DGKB: variants seen among roughly 807,000 people sequenced by gnomAD.
The protein encoded by DGKB is 90 kDa diacylglycerol kinase.
A neutral mutation model predicts 114.3 loss-of-function variants in DGKB; 67 were observed. The ratio of observed to expected loss-of-function variants is 0.59; its 90% CI spans 0.48 to 0.72. The LOEUF (loss-of-function observed/expected upper bound fraction) is 0.72, where lower values mean the gene tolerates loss of function less well. DGKB is among the 30% of genes least tolerant of loss of function. DGKB has a pLI of 0.00. For missense variants in DGKB, 907 were observed against 975.2 expected, an observed-to-expected ratio of 0.93 and a Z score of 0.93; for synonymous variants, 398 against 323.1, an observed-to-expected ratio of 1.23 and a Z score of -2.49.
chr7:14,681,614 C>A (rs888990934), intron 12 of DGKB, among the ~76,000 whole-genome samples: 3 of 151,926 alleles, frequency 2.0e-5, no homozygotes, highest in African/African-American at 7.3e-5. Context: ...TCCTGTAACA[C>A]GAATACTCAC....
chr7:14,705,506 A>G (rs1335174673), intron 6 of DGKB, among the ~76,000 whole-genome samples: 1 of 151,478 alleles, frequency 6.6e-6, no homozygotes, highest in African/African-American at 2.4e-5. Context: ...TCCAAGACAC[A>G]TAATTGTCAG....
At chr7:14,518,603 G>T (rs1789232361) in intron 20 of DGKB, among the ~76,000 whole-genome samples, 1 of 151,978 alleles carries the variant, frequency 6.6e-6, no homozygotes, top group Non-Finnish European at 1.5e-5. Flanking sequence ...TAAAAAATAA[G>T]TTTTTGGCTT....
intron 13 of DGKB, among the ~76,000 whole-genome samples, chr7:14,656,938 T>C (rs1815955641): frequency 6.6e-6 from 1 of 151,744 alleles, no homozygotes; most frequent in South Asian, 2.1e-4. Flanking sequence ...TTCTACATAA[T>C]ATAAACTAGT....
rs997424873 is a variant in DGKB at position 14,694,206 on chromosome 7, G to A, written c.592-12C>T. 1.9e-6 allele frequency: 3 copies of A among 1,554,552 alleles called. No homozygotes were observed. Among genetic ancestry groups the A allele is most frequent in the African/African-American group, 1.4e-5 (1 of 73,564 alleles). The stretch of plus-strand genomic sequence containing the variant: ...ATTTCATGGAGGATCTGGAGTAGAG[G>A]AGATAAGGGAAAATTGGTGGTCAAC... On this transcript the variant is annotated splice_polypyrimidine_tract_variant and intron_variant, in intron 8 of 25. Coordinates refer to ENST00000402815, the MANE Select transcript of DGKB (RefSeq NM_001350709.2).
At chr7:14,705,965 A>C (rs1390363833) in intron 6 of DGKB, among the ~76,000 whole-genome samples, 5 of 152,042 alleles carry the variant, frequency 3.3e-5, no homozygotes, top group African/African-American at 7.3e-5. Flanking sequence ...ACACATAACA[A>C]TATTAACTTT....
At chr7:14,341,046 T>G (rs1218612370) in intron 22 of DGKB, among the ~76,000 whole-genome samples, 1 of 151,500 alleles carries the variant, frequency 6.6e-6, no homozygotes, top group East Asian at 1.9e-4. Flanking sequence ...TTGAAAAACA[T>G]GAGTGTATGC....
chr7:14,568,041 T>C (rs1487529238), intron 20 of DGKB, among the ~76,000 whole-genome samples: 1 of 152,200 alleles, frequency 6.6e-6, no homozygotes, highest in Non-Finnish European at 1.5e-5. Flanking sequence ...GAAAGTTTTA[T>C]TCCTGGGATA....
chr7:14,638,660 G>C (rs985236942), intron 13 of DGKB, among the ~76,000 whole-genome samples: 2 of 152,086 alleles, frequency 1.3e-5, no homozygotes, highest in African/African-American at 4.8e-5. Flanking sequence ...ATGAGCATAA[G>C]GGACAGTTTC....
chr7:14,191,812 A>G, intron 23 of DGKB: 3 of 431,996 alleles, frequency 6.9e-6, no homozygotes, highest in Non-Finnish European at 1.4e-5. Context: ...TTCTGCACCA[A>G]ACAGGCTAAA....
intron 17 of DGKB, among the ~76,000 whole-genome samples, chr7:14,583,580 A>T (rs1462413186): frequency 6.6e-6 from 1 of 152,226 alleles, no homozygotes; most frequent in East Asian, 1.9e-4. Context: ...TGTCTTTAAC[A>T]ATGTTCTACT....
chr7:14,177,599 CA>C (rs1285332098), intron 24 of DGKB, among the ~76,000 whole-genome samples: 7 of 126,906 alleles, frequency 5.5e-5, no homozygotes, highest in African/African-American at 1.7e-4. Context: ...AAATTTTGGG[CA>C]AAAAAAATGC....
At chr7:14,592,117 A>G (rs961635239) in intron 17 of DGKB, among the ~76,000 whole-genome samples, 4 of 151,802 alleles carry the variant, frequency 2.6e-5, no homozygotes, top group Admixed American at 6.6e-5. Context: ...TAGTATATAT[A>G]TTATAAATCA....
rs1562683765 is a variant in DGKB at position 14,840,739 on chromosome 7, CA to C, written c.70+454del. On this transcript the variant is annotated intron_variant, in intron 2 of 25. Coordinates refer to ENST00000402815, the MANE Select transcript of DGKB (RefSeq NM_001350709.2). ...ACACACACACACACACACACACACA[CA>C]CACACCTCTCCCTTTTCCCTCCCTC... 7.3e-3 allele frequency among the ~76,000 whole-genome samples: 1,049 copies of C among 143,540 alleles called. 3 individuals carry two copies. Among genetic ancestry groups the C allele is most frequent in the Middle Eastern group, 0.021 (6 of 282 alleles). 94.2% of individuals were successfully genotyped at this position (143,540 alleles called of 152,430 possible). A position where few individuals can be genotyped will look rare whatever the true frequency, so the allele number is the denominator to read the frequency against.
chr7:14,864,435 C>T (rs1366747616), intron 1 of DGKB, among the ~76,000 whole-genome samples: 1 of 152,036 alleles, frequency 6.6e-6, no homozygotes, highest in East Asian at 1.9e-4. Flanking sequence ...CCACAATAGG[C>T]CTAGCATGTT....
intron 13 of DGKB, among the ~76,000 whole-genome samples, chr7:14,670,103 T>C (rs1818701204): frequency 1.3e-5 from 2 of 152,046 alleles, no homozygotes; most frequent in Admixed American, 1.3e-4. Flanking sequence ...TAAATAAATG[T>C]GTTGTTATTT....
At chr7:14,725,199 A>C (rs1829838077) in intron 5 of DGKB, among the ~76,000 whole-genome samples, 1 of 152,108 alleles carries the variant, frequency 6.6e-6, no homozygotes, top group Admixed American at 6.5e-5. Flanking sequence ...AACAAAAAAC[A>C]AAAAAACTTT....
chr7:14,447,165 T>C (rs1397373400), intron 21 of DGKB, among the ~76,000 whole-genome samples: 1 of 152,082 alleles, frequency 6.6e-6, no homozygotes, highest in East Asian at 1.9e-4. Context: ...GGGGGAACTT[T>C]AGCTCCCCCA....
intron 20 of DGKB, among the ~76,000 whole-genome samples, chr7:14,495,337 G>A (rs1785149259): frequency 6.6e-6 from 1 of 151,768 alleles, no homozygotes; most frequent in African/African-American, 2.4e-5. Flanking sequence ...ATGTTTCTCA[G>A]TAAAATATTT....
chr7:14,908,976 G>A (rs1783848150), intron 1 of DGKB, among the ~76,000 whole-genome samples: 1 of 152,110 alleles, frequency 6.6e-6, no homozygotes, highest in Non-Finnish European at 1.5e-5. Flanking sequence ...AAAAAGTAAG[G>A]ATGCATTTCT....
Sources: gnomAD v4.1 joint callset for allele counts (sites outside exome capture counted in the v4.1 genomes callset) on GRCh38, gnomAD v4.1.1 for gene constraint, MANE v1.5 for transcripts, NCBI Gene and HGNC (gene_info 2026-07-23, HGNC 2026-07-21) for gene names.